Variants in KATNAL1 observed in about 807,000 individuals in gnomAD.
KATNAL1 encodes katanin p60 ATPase-containing subunit A-like 1.
In KATNAL1, 32 loss-of-function variants were observed where a neutral mutation model predicts 55.2. That is an observed-to-expected ratio of 0.58 (90% CI 0.44 to 0.78). The LOEUF (loss-of-function observed/expected upper bound fraction) is 0.78, where lower values mean the gene tolerates loss of function less well. Ranked by LOEUF, KATNAL1 falls within the 30% of genes least tolerant of loss-of-function variation. The probability of loss-of-function intolerance (pLI) is 0.00; values close to 1 mark genes in which losing one functional copy is unlikely to be tolerated. For missense variants in KATNAL1, 466 were observed against 600.9 expected (o/e 0.78, Z 2.35); for synonymous variants, 193 against 193.6 (o/e 1.00, Z 0.02).
chr13:30,214,504 G>A (rs1012250439), intron 9 of KATNAL1, among the ~76,000 whole-genome samples: 13 of 152,278 alleles, frequency 8.5e-5, no homozygotes, highest in East Asian at 7.7e-4. Context: ...GAGGCATCAA[G>A]CTACCTGACT....
chr13:30,279,905 T>C (rs1251488202), intron 3 of KATNAL1, among the ~76,000 whole-genome samples, 158 bp downstream of exon 3: 2 of 152,216 alleles, frequency 1.3e-5, no homozygotes, highest in African/African-American at 2.4e-5. Flanking sequence ...CTGTACTTTA[T>C]CAAATACAAA....
rs561831666 is a variant in KATNAL1, at chr13:30,239,751, T to C, written c.726+709A>G. Among the ~76,000 whole-genome samples, 3 of 150,028 alleles carry C rather than the reference T, an allele frequency of 2.0e-5. No homozygotes were observed. In the East Asian group the frequency reaches 6.0e-4, roughly 30 times the overall value. On this transcript the variant is annotated intron_variant, in intron 6 of 10. Transcript: ENST00000380615. ...GCCAGGCTGGAGTGCAGTTGCGCGA[T>C]CTTGGCTCATTGCAAACTCCAACTC...
chr13:30,296,753 G>A, intron 1 of KATNAL1: 1 of 498,606 alleles, frequency 2.0e-6, no homozygotes, highest in Non-Finnish European at 4.0e-6. Flanking sequence ...AATGGATAGT[G>A]AGCTTGTGCC....
At chr13:30,253,294 A>G (rs1878502081) in intron 4 of KATNAL1, among the ~76,000 whole-genome samples, 2 of 152,198 alleles carry the variant, frequency 1.3e-5, no homozygotes, top group African/African-American at 4.8e-5. Context: ...CATATCTTTT[A>G]TCTCCAAACA....
At chr13:30,283,852 A>G in intron 1 of KATNAL1, 61 bp from the exon 2 acceptor site, 1 of 1,081,868 alleles carries the variant, frequency 9.2e-7, no homozygotes, top group South Asian at 1.8e-5. Flanking sequence ...AACATTTATT[A>G]TTCTTTAAAA....
At chr13:30,244,425 C>T (rs900732184) in intron 4 of KATNAL1, among the ~76,000 whole-genome samples, 7 of 152,042 alleles carry the variant, frequency 4.6e-5, no homozygotes, top group Non-Finnish European at 1.0e-4. Flanking sequence ...ATTTATAATC[C>T]TTTGGGTATA....
intron 3 of KATNAL1, among the ~76,000 whole-genome samples, chr13:30,269,504 AGT>A (rs938010830): frequency 1.1e-4 from 16 of 150,544 alleles, no homozygotes; most frequent in African/African-American, 3.9e-4. Flanking sequence ...CCGTCTAGGA[AGT>A]GAGGAGCGTC....
intron 3 of KATNAL1, among the ~76,000 whole-genome samples, chr13:30,269,419 T>C (rs1880062263): frequency 6.6e-6 from 1 of 152,212 alleles, no homozygotes; most frequent in African/African-American, 2.4e-5. Flanking sequence ...AGTGGCGTGA[T>C]CTCGGCTCGC....
Position 30,210,372 on chromosome 13 carries a change from T to C in KATNAL1, c.1218A>G (p.Glu406=). Residue 406 remains glutamate (E), a synonymous_variant, in exon 10 of 11, where the codon GAA becomes GAG. Transcript: ENST00000380615. ...EVELDPDIQL[E]DIAEKIEGYS... ...AGCCCTCAATCTTCTCGGCTATATC[T>C]TCCAGTTGAATATCAGGATCTAATT... 6.2e-7 allele frequency: 1 copy of C among 1,610,418 alleles called. No individual in the cohort carries two copies. The highest frequency in any genetic ancestry group is 1.7e-5 in the Admixed American group (1 of 59,510).
In KATNAL1 at chr13:30,292,069, G is replaced by A. The variant is rs1179090615; in HGVS notation, c.-14-8278C>T. ...ATAAAGTTACGGTAATCAAGACAGT[G>A]TGGAACTGACATAAAGGCAGACACA... On this transcript the variant is annotated intron_variant, in intron 1 of 10. Transcript: ENST00000380615. Among the ~76,000 whole-genome samples the A allele has an allele frequency of 2.6e-5, 4 of 152,202 alleles. No homozygotes were observed. The South Asian group carries it at 8.3e-4, about 32-fold the overall frequency.
chr13:30,262,693 C>A (rs1879408160), intron 3 of KATNAL1, among the ~76,000 whole-genome samples: 1 of 151,784 alleles, frequency 6.6e-6, no homozygotes, highest in African/African-American at 2.4e-5. Context: ...TCTGAATAGA[C>A]CAATAACAGG....
intron 3 of KATNAL1, among the ~76,000 whole-genome samples, chr13:30,266,369 A>C (rs1393728114): frequency 2.0e-5 from 3 of 152,182 alleles, no homozygotes; most frequent in Non-Finnish European, 2.9e-5. Flanking sequence ...ATGCCACCAC[A>C]ATTTTGTAAC....
At chr13:30,274,900 C>CGT (rs1566122481) in intron 3 of KATNAL1, among the ~76,000 whole-genome samples, 9 of 105,900 alleles carry the variant, frequency 8.5e-5, no homozygotes, top group South Asian at 3.2e-4. Flanking sequence ...TACGCGCGCG[C>CGT]GCGCGCGCAC....
At chr13:30,296,078 A>C in intron 1 of KATNAL1, 2 of 278,918 alleles carry the variant, frequency 7.2e-6, no homozygotes, top group Non-Finnish European at 6.7e-6. Context: ...TCACATGGGC[A>C]CTGAGAACGC....
At position 30,211,309 on chromosome 13, in the gene KATNAL1, G is replaced by A. The variant is rs559661130; in HGVS notation, c.1148-867C>T. Among the ~76,000 whole-genome samples the A allele has an allele frequency of 5.9e-5, 9 of 152,198 alleles. No homozygotes were observed. In the South Asian group the frequency reaches 6.2e-4, roughly 11 times the overall value. On this transcript the variant is annotated intron_variant, in intron 9 of 10. Transcript: ENST00000380615. ...TTGCCATTATCACTCTAGCTGGCTC[G>A]TCATCTCTCCTCCCTCAACTTTTTG...
chr13:30,249,853 T>C (rs1878139027), intron 4 of KATNAL1, among the ~76,000 whole-genome samples: 1 of 152,224 alleles, frequency 6.6e-6, no homozygotes, highest in Non-Finnish European at 1.5e-5. Flanking sequence ...AGTTGTTTCT[T>C]ACTAGTTTTT....
chr13:30,256,535 C>T (rs1011979875), intron 3 of KATNAL1, among the ~76,000 whole-genome samples: 2 of 152,118 alleles, frequency 1.3e-5, no homozygotes, highest in Non-Finnish European at 2.9e-5. Flanking sequence ...CATGCCATAT[C>T]TATTATTATC....
intron 4 of KATNAL1, among the ~76,000 whole-genome samples, chr13:30,254,208 G>A (rs1327131269): frequency 2.6e-5 from 4 of 152,168 alleles, no homozygotes; most frequent in African/African-American, 9.6e-5. Flanking sequence ...GCATAAAAAT[G>A]AAGAAAAGAA....
chr13:30,284,621 A>C (rs1254207639), intron 1 of KATNAL1, among the ~76,000 whole-genome samples: 12 of 152,212 alleles, frequency 7.9e-5, no homozygotes, highest in Non-Finnish European at 1.8e-4. Flanking sequence ...CCTCAAACTT[A>C]AATCTAAGCA....
Sources: allele counts gnomAD v4.1 joint callset (sites outside exome capture counted in the v4.1 genomes callset), GRCh38; gene constraint gnomAD v4.1.1; transcripts MANE v1.5; gene names NCBI Gene and HGNC (gene_info 2026-07-23, HGNC 2026-07-21).